The following ELAVL2 variants were observed in gnomAD, a reference collection of about 807,000 sequenced individuals.
The protein encoded by ELAVL2 is ELAV-like protein 2.
Under a neutral mutation model 34.6 loss-of-function variants are expected in ELAVL2, and 4 were observed. That is an observed-to-expected ratio of 0.12 (90% CI 0.06 to 0.26). The LOEUF is 0.26. Ranked by LOEUF, ELAVL2 falls within the 10% of genes least tolerant of loss-of-function variation. ELAVL2 has a pLI of 1.00. For missense variants in ELAVL2, 432 were observed against 442.8 expected, an observed-to-expected ratio of 0.98 and a Z score of 0.22; for synonymous variants, 193 against 154.8, an observed-to-expected ratio of 1.25 and a Z score of -1.83.
At chr9:23,705,150 G>C in intron 3 of ELAVL2, 79 bp from the exon 4 acceptor site, 1 of 1,540,666 alleles carries the variant, frequency 6.5e-7, no homozygotes. Flanking sequence ...AACTGCCTCG[G>C]TAACTTTCCC....
intron 2 of ELAVL2, among the ~76,000 whole-genome samples, chr9:23,751,726 T>C (rs979870571): frequency 6.6e-6 from 1 of 152,210 alleles, no homozygotes; most frequent in Non-Finnish European, 1.5e-5. Context: ...ATTTAACAAC[T>C]TGCTGACCTT....
the ELAVL2 span, among the ~76,000 whole-genome samples, chr9:23,839,352 T>C: frequency 2.6e-5 from 4 of 152,178 alleles, no homozygotes; most frequent in African/African-American, 9.6e-5. Flanking sequence ...TGCACTCATT[T>C]GACTCATGGC....
intron 1 of ELAVL2, among the ~76,000 whole-genome samples, chr9:23,797,753 A>T (rs912646067): frequency 2.0e-5 from 3 of 151,378 alleles, no homozygotes. Context: ...CATGGAGAAA[A>T]CCCCGCCTCT....
chr9:23,779,966 T>C (rs1175982019), intron 1 of ELAVL2, among the ~76,000 whole-genome samples: 4 of 124,712 alleles, frequency 3.2e-5, no homozygotes, highest in Non-Finnish European at 5.0e-5. Context: ...CCAGAATCGG[T>C]GATAGTGTTC....
intron 3 of ELAVL2, among the ~76,000 whole-genome samples, chr9:23,716,972 T>A (rs1357137403): frequency 6.6e-6 from 1 of 152,128 alleles, no homozygotes; most frequent in Non-Finnish European, 1.5e-5. Context: ...GGAATGACAA[T>A]CTAAATGTTG....
intron 2 of ELAVL2, among the ~76,000 whole-genome samples, chr9:23,731,605 G>A (rs556124451): frequency 4.6e-5 from 7 of 152,010 alleles, no homozygotes; most frequent in African/African-American, 2.4e-5. Flanking sequence ...CAATAATGTC[G>A]GAGTCTAAAA....
At chr9:23,763,207 A>G (rs561194264) in intron 1 of ELAVL2, among the ~76,000 whole-genome samples, 1 of 152,238 alleles carries the variant, frequency 6.6e-6, no homozygotes, top group East Asian at 1.9e-4. Flanking sequence ...TATAAACTCC[A>G]AACACCAGAT....
At chr9:23,710,342 T>C (rs2040585057) in intron 3 of ELAVL2, among the ~76,000 whole-genome samples, 1 of 152,210 alleles carries the variant, frequency 6.6e-6, no homozygotes, top group African/African-American at 2.4e-5. Flanking sequence ...TAAATGTACA[T>C]AGCAATGTTT....
At chr9:23,699,525 G>A (rs965620212) in intron 5 of ELAVL2, among the ~76,000 whole-genome samples, 1 of 152,032 alleles carries the variant, frequency 6.6e-6, no homozygotes. Context: ...ATCTAAACTC[G>A]AGATCATTTT....
intron 2 of ELAVL2, among the ~76,000 whole-genome samples, chr9:23,740,079 T>C (rs1489301541): frequency 6.7e-6 from 1 of 149,594 alleles, no homozygotes; most frequent in African/African-American, 2.4e-5. Flanking sequence ...ACATTTTTCT[T>C]AAAAAAATCA....
chr9:23,828,399 A>G (rs2065395470), upstream of ELAVL2, among the ~76,000 whole-genome samples: 1 of 152,150 alleles, frequency 6.6e-6, no homozygotes. Context: ...CTAGGTGGAA[A>G]CTAATACTTT....
chr9:23,708,459 C>T (rs796738334), intron 3 of ELAVL2, among the ~76,000 whole-genome samples: 11 of 152,264 alleles, frequency 7.2e-5, no homozygotes, highest in African/African-American at 2.4e-4. Flanking sequence ...TGATCTTTCT[C>T]TTTCTGTGTC....
chr9:23,833,966 G>A, the ELAVL2 span, among the ~76,000 whole-genome samples: 3 of 151,902 alleles, frequency 2.0e-5, no homozygotes, highest in East Asian at 1.9e-4. Context: ...AGTGAAATGA[G>A]CAATACATAA....
At chr9:23,780,021 A>G (rs1033036840) in intron 1 of ELAVL2, among the ~76,000 whole-genome samples, 1 of 101,722 alleles carries the variant, frequency 9.8e-6, no homozygotes, top group Admixed American at 1.3e-4. Flanking sequence ...AAAAAAAAAA[A>G]AAAAAAAAAA....
intron 2 of ELAVL2, among the ~76,000 whole-genome samples, chr9:23,736,474 T>G (rs2134896860): frequency 6.6e-6 from 1 of 151,036 alleles, no homozygotes; most frequent in South Asian, 2.1e-4. Flanking sequence ...CAGCAGGGGG[T>G]GAGAGTGGGG....
chr9:23,812,172 A>C (rs10491818), intron 1 of ELAVL2, among the ~76,000 whole-genome samples: 1,715 of 152,194 alleles, frequency 0.011, 22 homozygotes, highest in South Asian at 0.038. Context: ...GTAGAGACCA[A>C]GGAATATGAG....
At chr9:23,722,374 C>T (rs1302718498) in intron 3 of ELAVL2, among the ~76,000 whole-genome samples, 1 of 152,226 alleles carries the variant, frequency 6.6e-6, no homozygotes, top group Non-Finnish European at 1.5e-5. Flanking sequence ...ACTGAAATAA[C>T]TGAATCAATG....
At chr9:23,696,940 T>C (rs2035477190) in intron 5 of ELAVL2, among the ~76,000 whole-genome samples, 1 of 151,504 alleles carries the variant, frequency 6.6e-6, no homozygotes, top group Admixed American at 6.6e-5. Flanking sequence ...AAAATAAATA[T>C]GTATTTAAAA....
At chr9:23,774,213 C>T (rs1419516160) in intron 1 of ELAVL2, among the ~76,000 whole-genome samples, 1 of 61,452 alleles carries the variant, frequency 1.6e-5, no homozygotes, top group Non-Finnish European at 2.9e-5. Flanking sequence ...GACTCCATCT[C>T]AAAAAAAAAA....
Sources: gnomAD v4.1 joint callset for allele counts (sites outside exome capture counted in the v4.1 genomes callset) on GRCh38, gnomAD v4.1.1 for gene constraint, MANE v1.5 for transcripts, NCBI Gene and HGNC (gene_info 2026-07-23, HGNC 2026-07-21) for gene names.